Variants in MGAT5B observed in about 807,000 individuals in gnomAD.
MGAT5B encodes alpha-1,6-mannosylglycoprotein 6-beta-N-acetylglucosaminyltransferase B, also known as N-acetylglucosaminyl-transferase Vb.
In MGAT5B, 54 loss-of-function variants were observed where a neutral mutation model predicts 95.1. That is an observed-to-expected ratio of 0.57 (90% CI 0.46 to 0.71). The LOEUF is 0.71. Ranked by LOEUF, MGAT5B falls within the 30% of genes least tolerant of loss-of-function variation. The pLI, the probability that MGAT5B is intolerant of heterozygous loss-of-function variation, is 0.00. For missense variants in MGAT5B, 935 were observed against 1,088.6 expected, an observed-to-expected ratio of 0.86 and a Z score of 1.99; for synonymous variants, 464 against 451.0, an observed-to-expected ratio of 1.03 and a Z score of -0.36.
At position 76,902,618 on chromosome 17, in the gene MGAT5B, C is replaced by T. The variant is rs559578758; in HGVS notation, c.393C>T (p.Ile131=). ...CTATTGCCCAGAACGTCTCCGACAT[C>T]GCTGTGAAGGTGGACCAGATCCTGC... ...IQAIAQNVSD[I]AVKVDQILRH... is the part of the protein sequence containing the mutation. Residue 131 remains isoleucine, a synonymous_variant, in exon 4 of 18, where the codon ATC becomes ATT. Coordinates refer to ENST00000569840, the MANE Select transcript of MGAT5B (RefSeq NM_001199172.2). 6 of 1,604,140 alleles carry T rather than the reference C, an allele frequency of 3.7e-6. No homozygotes were observed. Among genetic ancestry groups the T allele is most frequent in the South Asian group, 3.4e-5 (3 of 89,034 alleles).
intron 2 of MGAT5B, 29 bp downstream of exon 2, chr17:76,872,992 G>A: frequency 1.2e-6 from 2 of 1,609,418 alleles, no homozygotes; most frequent in Non-Finnish European, 1.7e-6. Flanking sequence ...GGGAGTGTGA[G>A]ATGAGTGAGG....
intron 3 of MGAT5B, among the ~76,000 whole-genome samples, chr17:76,887,367 T>C (rs2145148106): frequency 6.6e-6 from 1 of 151,482 alleles, no homozygotes; most frequent in African/African-American, 2.4e-5. Flanking sequence ...GAAGCCCACC[T>C]CTTCTCACCC....
intron 15 of MGAT5B, among the ~76,000 whole-genome samples, chr17:76,943,036 C>CCCCCG (rs913914803): frequency 7.4e-6 from 1 of 135,174 alleles, no homozygotes; most frequent in African/African-American, 2.7e-5. Context: ...GATAACTTGC[C>CCCCCG]CCCCCGGGAG....
rs1362057706 is a variant in MGAT5B at position 76,948,606 on chromosome 17, A to G, written c.2181-34A>G. On this transcript the variant is annotated intron_variant, in intron 17 of 17. Transcript: ENST00000569840. ...CCCAGCCCTTCTGCCCAAGTGACCAACGCTGAGTGACGGTGCTGTGTGGTC... is the reference window on the plus strand; with the variant it reads ...CCCAGCCCTTCTGCCCAAGTGACCAGCGCTGAGTGACGGTGCTGTGTGGTC... The G allele has an allele frequency of 3.1e-6, 5 of 1,589,166 alleles. No homozygotes were observed. In the South Asian group the frequency reaches 3.4e-5, roughly 11 times the overall value.
In MGAT5B at chr17:76,949,001, G is replaced by A; in HGVS notation, c.*163G>A. On this transcript the variant is annotated 3_prime_UTR_variant, in exon 18 of 18. Coordinates refer to ENST00000569840, the MANE Select transcript of MGAT5B (RefSeq NM_001199172.2). ...GCTGGCAGAGGAGAGCCGTGCCCGGGAATAGGAGGAGGCAGCATGCCGAGC... is the reference window on the plus strand; with the variant it reads ...GCTGGCAGAGGAGAGCCGTGCCCGGAAATAGGAGGAGGCAGCATGCCGAGC... 2.4e-6 allele frequency: 2 copies of A among 818,930 alleles called. No individual in the cohort carries two copies. The highest frequency in any genetic ancestry group is 1.9e-6 in the Non-Finnish European group (1 of 536,306). The allele number at this position is 818,930 out of a possible 1,614,324, so 50.7% of individuals were successfully genotyped here.
intron 15 of MGAT5B, 32 bp from the exon 16 acceptor site, chr17:76,946,344 C>T (rs766943751): frequency 1.3e-6 from 2 of 1,579,610 alleles, no homozygotes; most frequent in South Asian, 2.3e-5. Flanking sequence ...GGGCCTTCTC[C>T]CGCCCCATGT....
At position 76,912,465 on chromosome 17, in the gene MGAT5B, A is replaced by G. The variant is rs534248855; in HGVS notation, c.1025+6278A>G. ...TCTCAGCTTGGTTTCTGCGACAGAA[A>G]TGTCTCCCTTGGCTGGCGAAATGAC... is the stretch of plus-strand genomic sequence containing the variant. On this transcript the variant is annotated intron_variant, in intron 8 of 17. Transcript: ENST00000569840. This position sits in a 1 kb window ranked among gnomAD's most constrained non-coding sequence, Gnocchi z 5.0. 9.9e-5 allele frequency among the ~76,000 whole-genome samples: 15 copies of G among 152,268 alleles called. No homozygotes were observed. Among genetic ancestry groups the G allele is most frequent in the Middle Eastern group, 3.4e-3 (1 of 294 alleles).
chr17:76,875,394 C>T (rs1307975511), intron 2 of MGAT5B, among the ~76,000 whole-genome samples: 1 of 152,112 alleles, frequency 6.6e-6, no homozygotes, highest in Non-Finnish European at 1.5e-5. Context: ...CTCGGTACTT[C>T]CCCTTCCTGC....
chr17:76,948,952 G>T lies in MGAT5B; in HGVS notation c.*114G>T, dbSNP rs900155062. The T allele has an allele frequency of 1.7e-6, 2 of 1,195,976 alleles. No homozygotes were observed. Among genetic ancestry groups the T allele is most frequent in the Non-Finnish European group, 2.3e-6 (2 of 872,032 alleles). The allele number at this position is 1,195,976 out of a possible 1,614,324, so 74.1% of individuals were successfully genotyped here. A position where few individuals can be genotyped will look rare whatever the true frequency, so the allele number is the denominator to read the frequency against. The stretch of plus-strand genomic sequence containing the variant: ...GTCCTCCTCGCAACCCCCCCAGGCC[G>T]GAGCTTCCTTCCTTAGCCGGGAAGC... On this transcript the variant is annotated 3_prime_UTR_variant, in exon 18 of 18. Transcript: ENST00000569840.
Position 76,948,665 on chromosome 17 carries a change from G to A in MGAT5B, c.2206G>A (p.Glu736Lys), listed in dbSNP as rs746006555. 7.4e-6 allele frequency: 12 copies of A among 1,612,824 alleles called. No individual in the cohort carries two copies. Among genetic ancestry groups the A allele is most frequent in the African/African-American group, 5.3e-5 (4 of 74,930 alleles). Residue 736 changes from glutamate to lysine, a missense_variant, in exon 18 of 18, where the codon GAG becomes AAG. Coordinates refer to ENST00000569840, the MANE Select transcript of MGAT5B (RefSeq NM_001199172.2). Reference protein sequence around the residue: ...LKLQVPCDSTESEMNHLYPAF... With the variant: ...LKLQVPCDSTKSEMNHLYPAF... ...GCTGCAGGTGCCCTGTGACAGCACC[G>A]AGTCGGAGATGAACCACCTGTACCC...
At chr17:76,879,346 G>A (rs910344859) in intron 2 of MGAT5B, among the ~76,000 whole-genome samples, 4 of 152,190 alleles carry the variant, frequency 2.6e-5, no homozygotes, top group African/African-American at 7.2e-5. Context: ...GGGGTGCTGC[G>A]TCTGCAGGAA....
intron 10 of MGAT5B, among the ~76,000 whole-genome samples, chr17:76,932,123 G>GTCTTCTCCT (rs144269530): frequency 0.4 from 52,029 of 129,616 alleles, 10,055 homozygotes; most frequent in Middle Eastern, 0.53. Context: ...CGTCTTCTTT[G>GTCTTCTCCT]TCTTCTCCTT....
rs1451737731 is a variant in MGAT5B, at chr17:76,948,092, TG to T, written c.2180+7del. ...AGCCAGGACGCCTTCCTCAAGTGAG[TG>T]TTCCCCCACCCTCCCCACCCAGCCG... On this transcript the variant is annotated splice_region_variant and intron_variant, in intron 17 of 17. Transcript: ENST00000569840. 1 of 1,582,410 alleles carries T rather than the reference TG, an allele frequency of 6.3e-7. No individual in the cohort carries two copies. Among genetic ancestry groups the T allele is most frequent in the African/African-American group, 1.3e-5 (1 of 74,348 alleles).
chr17:76,893,329 G>A (rs952726494), intron 3 of MGAT5B, among the ~76,000 whole-genome samples: 4 of 152,116 alleles, frequency 2.6e-5, no homozygotes, highest in Admixed American at 1.3e-4. Context: ...GTGTATGCAC[G>A]TGGATGATGG....
intron 2 of MGAT5B, among the ~76,000 whole-genome samples, chr17:76,874,374 T>C (rs2145115522): frequency 6.6e-6 from 1 of 151,826 alleles, no homozygotes; most frequent in Admixed American, 6.6e-5. Flanking sequence ...TGCTGGAGTG[T>C]CTGTGTGGGA....
chr17:76,920,341 T>A (rs2145227020), intron 8 of MGAT5B, among the ~76,000 whole-genome samples: 1 of 152,122 alleles, frequency 6.6e-6, no homozygotes, highest in African/African-American at 2.4e-5. Flanking sequence ...GACGGGAGTG[T>A]TTTGAGTTTT....
At position 76,940,663 on chromosome 17, in the gene MGAT5B, G is replaced by T. The variant is rs1230108789; in HGVS notation, c.1732-69G>T. On this transcript the variant is annotated intron_variant, in intron 14 of 17. Transcript: ENST00000569840. The surrounding 1 kb of genome is among the most constrained non-coding windows in gnomAD (Gnocchi z 4.3). ...AAAAGGAGATAGGACAAGTGTATGG[G>T]GTACCTTTCTTTGTCCCTGTCCCAC... The T allele has an allele frequency of 6.3e-7, 1 of 1,598,846 alleles. No homozygotes were observed. Among genetic ancestry groups the T allele is most frequent in the Non-Finnish European group, 8.6e-7 (1 of 1,169,546 alleles).
At position 76,948,042 on chromosome 17, in the gene MGAT5B, G is replaced by C; in HGVS notation, c.2136G>C (p.Glu712Asp). The C allele has an allele frequency of 6.2e-7, 1 of 1,612,526 alleles. No homozygotes were observed. Among genetic ancestry groups the C allele is most frequent in the Non-Finnish European group, 8.5e-7 (1 of 1,179,240 alleles). ...DTCLDHGLIC[E>D]PSFFPFLNSQ... ...GCCTGGACCACGGGCTAATCTGTGA[G>C]CCCTCCTTCTTCCCCTTCCTGAACA... is the stretch of plus-strand genomic sequence containing the variant. The change falls in exon 17 of 18, where the codon GAG (glutamate) becomes GAC (aspartate). Residue 712 changes from glutamate to aspartate, a missense_variant. This residue lies in a region of MGAT5B where 440 missense variants were observed against 523.6 expected (regional missense o/e 0.84). Coordinates refer to ENST00000569840, the MANE Select transcript of MGAT5B (RefSeq NM_001199172.2).
intron 4 of MGAT5B, 70 bp downstream of exon 4, chr17:76,902,740 G>A: frequency 9.2e-7 from 1 of 1,090,460 alleles, no homozygotes; most frequent in Non-Finnish European, 1.3e-6. Flanking sequence ...GGTGGGCCCT[G>A]GGAGGGTGGG....
Sources: allele counts gnomAD v4.1 joint callset (sites outside exome capture counted in the v4.1 genomes callset), GRCh38; gene constraint gnomAD v4.1.1; regional missense constraint gnomAD v4.1.1; non-coding constraint Gnocchi (gnomAD v3.1); transcripts MANE v1.5; gene names NCBI Gene and HGNC (gene_info 2026-07-23, HGNC 2026-07-21).